The following KAZN variants were observed in gnomAD, a reference collection of about 807,000 sequenced individuals.
KAZN encodes kazrin, periplakin interacting protein.
KAZN carries 40 observed loss-of-function variants against 87.4 expected under a neutral mutation model. The ratio of observed to expected loss-of-function variants is 0.46; its 90% CI spans 0.36 to 0.60. KAZN has a LOEUF of 0.60. Among genes scored for constraint, KAZN ranks in the 20% least tolerant of loss-of-function variants. The pLI is 0.00. For missense variants in KAZN, 898 were observed against 1,073.9 expected (o/e 0.84, Z 2.29); for synonymous variants, 466 against 458.3 (o/e 1.02, Z -0.22).
Position 14,196,902 on chromosome 1 carries a change from A to G in KAZN, c.249+16310A>G, listed in dbSNP as rs548518910. 5.3e-5 allele frequency among the ~76,000 whole-genome samples: 8 copies of G among 152,194 alleles called. 1 individual carries two copies. Among genetic ancestry groups the G allele is most frequent in the South Asian group, 4.2e-4 (2 of 4,812 alleles). ...GCCAGTGAAAGTGAAGGAGGCTTCAAAGAGAGTGCTGCCACCATAGCAAGC... is the reference window on the plus strand; with the variant it reads ...GCCAGTGAAAGTGAAGGAGGCTTCAGAGAGAGTGCTGCCACCATAGCAAGC... On this transcript the variant is annotated intron_variant, in intron 2 of 16. Coordinates refer to the KAZN transcript ENST00000636203.
chr1:14,234,298 A>T (rs1648167079), intron 2 of KAZN, among the ~76,000 whole-genome samples: 1 of 152,096 alleles, frequency 6.6e-6, no homozygotes, highest in South Asian at 2.1e-4. Flanking sequence ...GCAAACTAAC[A>T]CAAGAACAGA....
chr1:13,945,725 G>GAGAA (rs1641124866), intron 1 of KAZN, among the ~76,000 whole-genome samples: 1 of 151,614 alleles, frequency 6.6e-6, no homozygotes, highest in Non-Finnish European at 1.5e-5. Flanking sequence ...GAGAGAGAGA[G>GAGAA]AGAGAGAGAG....
chr1:14,276,414 AC>A (rs1652360930), intron 2 of KAZN, among the ~76,000 whole-genome samples: 1 of 152,122 alleles, frequency 6.6e-6, no homozygotes, highest in Non-Finnish European at 1.5e-5. Context: ...TTAACAAAGT[AC>A]CAAAAACAAG....
chr1:14,235,844 T>G (rs1447093025), intron 2 of KAZN, among the ~76,000 whole-genome samples: 1 of 152,152 alleles, frequency 6.6e-6, no homozygotes, highest in Non-Finnish European at 1.5e-5. Context: ...GCACCCTTCT[T>G]AGCAATCCAG....
At chr1:14,330,622 CT>C (rs1656783510) in intron 2 of KAZN, among the ~76,000 whole-genome samples, 1 of 152,084 alleles carries the variant, frequency 6.6e-6, no homozygotes, top group Non-Finnish European at 1.5e-5. Flanking sequence ...CTGCTTTGCA[CT>C]TTTCAACTTG....
intron 2 of KAZN, among the ~76,000 whole-genome samples, chr1:14,255,317 C>A (rs1273272715): frequency 6.6e-6 from 1 of 152,068 alleles, no homozygotes; most frequent in African/African-American, 2.4e-5. Context: ...CAAACACCTC[C>A]ACTAGGCCCT....
At chr1:14,117,416 C>T (rs1472979426) in intron 1 of KAZN, among the ~76,000 whole-genome samples, 3 of 152,182 alleles carry the variant, frequency 2.0e-5, no homozygotes, top group Admixed American at 2.0e-4. Context: ...CTATGTGAGA[C>T]ATGCCTTTCA....
intron 1 of KAZN, among the ~76,000 whole-genome samples, chr1:13,931,861 G>A (rs1014971493): frequency 6.6e-6 from 1 of 152,056 alleles, no homozygotes; most frequent in Non-Finnish European, 1.5e-5. Context: ...TCTTTGAAAC[G>A]GAGTCTCGCT....
At chr1:14,151,035 A>G (rs939203964) in intron 1 of KAZN, among the ~76,000 whole-genome samples, 2 of 152,326 alleles carry the variant, frequency 1.3e-5, no homozygotes, top group South Asian at 2.1e-4. Flanking sequence ...TTATAAAACT[A>G]TGTGAACAGT....
chr1:14,807,830 C>T (rs922550772), intron 1 of KAZN, among the ~76,000 whole-genome samples: 11 of 152,104 alleles, frequency 7.2e-5, no homozygotes, highest in African/African-American at 2.4e-4. Context: ...AATCAGCCCC[C>T]AAATTAGACC....
At chr1:14,331,304 G>T (rs1656839980) in intron 2 of KAZN, among the ~76,000 whole-genome samples, 1 of 152,124 alleles carries the variant, frequency 6.6e-6, no homozygotes, top group Non-Finnish European at 1.5e-5. Context: ...TGTGATATGG[G>T]ACGGAAATCA....
rs79898791 is a variant in KAZN, at chr1:13,898,058, G to C, written c.91+4302G>C. Among the ~76,000 whole-genome samples, 642 of 152,268 alleles carry C rather than the reference G, an allele frequency of 4.2e-3. 20 individuals carry two copies. In the East Asian group the frequency reaches 0.094, roughly 22 times the overall value. On this transcript the variant is annotated intron_variant, in intron 1 of 16. Coordinates refer to the KAZN transcript ENST00000636203. ...GCTGCCTGACCTCCTTCAGGTGGGA[G>C]CTTAAGGCCACACTCCCAGGCAGGG...
intron 1 of KAZN, among the ~76,000 whole-genome samples, chr1:14,173,909 G>T (rs1177537282): frequency 6.6e-6 from 1 of 152,120 alleles, no homozygotes; most frequent in Non-Finnish European, 1.5e-5. Context: ...TAAGAGAGCT[G>T]CTTTTATTAG....
At chr1:14,973,632 A>AAAGG (rs1665314042) in intron 2 of KAZN, among the ~76,000 whole-genome samples, 1 of 152,200 alleles carries the variant, frequency 6.6e-6, no homozygotes. Context: ...CCAAATAAGG[A>AAAGG]AAGGAATGTG....
At chr1:14,126,825 G>A (rs1212240179) in intron 1 of KAZN, among the ~76,000 whole-genome samples, 1 of 152,164 alleles carries the variant, frequency 6.6e-6, no homozygotes. Context: ...CCCACCATTG[G>A]CCAGGTGCGG....
intron 2 of KAZN, among the ~76,000 whole-genome samples, chr1:14,212,372 T>G (rs1646870994): frequency 6.6e-6 from 1 of 151,834 alleles, no homozygotes; most frequent in Non-Finnish European, 1.5e-5. Context: ...TTATGCTAAG[T>G]GATCACAAAT....
intron 1 of KAZN, chr1:14,930,033 A>C: frequency 5.1e-6 from 5 of 985,558 alleles, no homozygotes; most frequent in Non-Finnish European, 4.8e-6. Context: ...CGGAACCAGA[A>C]GAGTGTGACA....
At chr1:14,881,064 C>T (rs1275973271) in intron 1 of KAZN, among the ~76,000 whole-genome samples, 1 of 152,210 alleles carries the variant, frequency 6.6e-6, no homozygotes, top group Non-Finnish European at 1.5e-5. Flanking sequence ...GCTGTGGGCA[C>T]AGGATCCATT....
intron 1 of KAZN, among the ~76,000 whole-genome samples, chr1:13,971,770 C>T: frequency 6.6e-6 from 1 of 152,122 alleles, no homozygotes; most frequent in South Asian, 2.1e-4. Context: ...TTCACAAATG[C>T]TTTAGCACCA....
Sources: allele counts gnomAD v4.1 joint callset (sites outside exome capture counted in the v4.1 genomes callset), GRCh38; gene constraint gnomAD v4.1.1; transcripts MANE v1.5; gene names NCBI Gene and HGNC (gene_info 2026-07-23, HGNC 2026-07-21).